The following NXPH2 variants were observed in gnomAD, a reference collection of about 807,000 sequenced individuals.
NXPH2 encodes neurexophilin-2.
A neutral mutation model predicts 19.8 loss-of-function variants in NXPH2; 5 were observed. The observed-to-expected ratio is 0.25, with a 90% confidence interval of 0.13 to 0.53. The LOEUF is 0.53. Ranked by LOEUF, NXPH2 falls within the 20% of genes least tolerant of loss-of-function variation. The pLI is 0.96. For synonymous variants in NXPH2, 154 were observed against 127.4 expected (o/e 1.21, Z -1.41); for missense variants, 289 against 322.8 (o/e 0.90, Z 0.80).
At chr2:138,755,004 G>A (rs1681885280) in intron 1 of NXPH2, among the ~76,000 whole-genome samples, 1 of 152,054 alleles carries the variant, frequency 6.6e-6, no homozygotes, top group African/African-American at 2.4e-5. Context: ...TGTGTTATCA[G>A]TACATCTTCT....
chr2:138,724,227 T>C (rs1262228734), intron 1 of NXPH2, among the ~76,000 whole-genome samples: 1 of 152,216 alleles, frequency 6.6e-6, no homozygotes, highest in Non-Finnish European at 1.5e-5. Flanking sequence ...TCCAGCTCCA[T>C]CCATGTCCAT....
At chr2:138,741,315 G>A (rs1197493537) in intron 1 of NXPH2, among the ~76,000 whole-genome samples, 1 of 152,186 alleles carries the variant, frequency 6.6e-6, no homozygotes, top group Non-Finnish European at 1.5e-5. Flanking sequence ...ACTGGCCCAA[G>A]AGACTCACAC....
chr2:138,712,250 A>C (rs1681117070), intron 1 of NXPH2, among the ~76,000 whole-genome samples: 1 of 151,946 alleles, frequency 6.6e-6, no homozygotes, highest in African/African-American at 2.4e-5. Flanking sequence ...TGAGTAAAAC[A>C]GTCTCTCCCC....
intron 1 of NXPH2, among the ~76,000 whole-genome samples, chr2:138,701,867 G>T (rs541729953): frequency 2.0e-5 from 3 of 152,116 alleles, no homozygotes; most frequent in African/African-American, 4.8e-5. Context: ...TAGGTGGGAA[G>T]ACTCTAGATA....
intron 1 of NXPH2, among the ~76,000 whole-genome samples, chr2:138,766,544 T>C (rs2104841867): frequency 6.6e-6 from 1 of 152,260 alleles, no homozygotes; most frequent in Admixed American, 6.5e-5. Context: ...AACGAGAAAC[T>C]ATTTGGCTCA....
rs1312849024 is a variant in NXPH2, at chr2:138,669,692, AC to A, written c.*1229del. Among the ~76,000 whole-genome samples the A allele has an allele frequency of 6.6e-6, 1 of 151,972 alleles. No individual in the cohort carries two copies. The highest frequency in any genetic ancestry group is 1.5e-5 in the Non-Finnish European group (1 of 67,956). ...AGAAGCCTTTTTCTTGGCCAACCAG[AC>A]CCCTGTTTCTGTTCTAATTTAATGA... On this transcript the variant is annotated 3_prime_UTR_variant, in exon 2 of 2. Coordinates refer to ENST00000272641, the MANE Select transcript of NXPH2 (RefSeq NM_007226.3).
In NXPH2 at chr2:138,716,670, C is replaced by T. The variant is rs184872277; in HGVS notation, c.52-45005G>A. ...TACCTATCCCTGTTATCCTGAGTAGCCCCTTATGATCGGTTCCACCCAATT... is the reference window on the plus strand; with the variant it reads ...TACCTATCCCTGTTATCCTGAGTAGTCCCTTATGATCGGTTCCACCCAATT... On this transcript the variant is annotated intron_variant, in intron 1 of 1. Coordinates refer to ENST00000272641, the MANE Select transcript of NXPH2 (RefSeq NM_007226.3). 1.6e-3 allele frequency among the ~76,000 whole-genome samples: 242 copies of T among 152,266 alleles called. 1 individual carries two copies. The highest frequency in any genetic ancestry group is 5.4e-3 in the African/African-American group (225 of 41,540).
chr2:138,709,630 C>T (rs1681067089), intron 1 of NXPH2, among the ~76,000 whole-genome samples: 3 of 152,118 alleles, frequency 2.0e-5, no homozygotes, highest in Admixed American at 1.3e-4. Flanking sequence ...ATTATAGGAG[C>T]ATACTAAATA....
chr2:138,715,408 A>G (rs1558920404), intron 1 of NXPH2, among the ~76,000 whole-genome samples: 1 of 152,226 alleles, frequency 6.6e-6, no homozygotes, highest in Non-Finnish European at 1.5e-5. Context: ...AATTTGTCAT[A>G]ATGTGTGTCC....
At chr2:138,741,279 C>T (rs1024804780) in intron 1 of NXPH2, among the ~76,000 whole-genome samples, 11 of 152,122 alleles carry the variant, frequency 7.2e-5, no homozygotes, top group South Asian at 2.1e-4. Flanking sequence ...TCTGGCCAAG[C>T]GACTGCTGGC....
intron 1 of NXPH2, among the ~76,000 whole-genome samples, chr2:138,765,400 A>C (rs1324336531): frequency 6.6e-6 from 1 of 152,220 alleles, no homozygotes; most frequent in East Asian, 1.9e-4. Flanking sequence ...TTTTAACACC[A>C]CCAGGGATTC....
chr2:138,752,574 A>G (rs568028784), intron 1 of NXPH2, among the ~76,000 whole-genome samples: 13 of 152,148 alleles, frequency 8.5e-5, no homozygotes, highest in Non-Finnish European at 1.9e-4. Flanking sequence ...TTATATTAGT[A>G]TTGTATATTT....
At chr2:138,765,058 T>C (rs544456829) in intron 1 of NXPH2, among the ~76,000 whole-genome samples, 216 of 152,330 alleles carry the variant, frequency 1.4e-3, no homozygotes, top group Non-Finnish European at 2.5e-3. Context: ...AGAATGGTAG[T>C]AGCATAATTA....
At chr2:138,758,523 C>T (rs868537181) in intron 1 of NXPH2, among the ~76,000 whole-genome samples, 1 of 152,202 alleles carries the variant, frequency 6.6e-6, no homozygotes, top group African/African-American at 2.4e-5. Context: ...GCTCCCAAGC[C>T]AGTGTTCCAC....
chr2:138,700,047 C>T (rs1488541467), intron 1 of NXPH2, among the ~76,000 whole-genome samples: 1 of 152,050 alleles, frequency 6.6e-6, no homozygotes, highest in African/African-American at 2.4e-5. Flanking sequence ...CCCAGTAAGC[C>T]ATGTAAGGCA....
chr2:138,762,714 A>C (rs2104839834), intron 1 of NXPH2, among the ~76,000 whole-genome samples: 1 of 152,306 alleles, frequency 6.6e-6, no homozygotes, highest in Non-Finnish European at 1.5e-5. Flanking sequence ...TGACAGCCTA[A>C]GATAGGATGC....
At chr2:138,747,640 C>T (rs1161941499) in intron 1 of NXPH2, among the ~76,000 whole-genome samples, 2 of 152,140 alleles carry the variant, frequency 1.3e-5, no homozygotes, top group African/African-American at 4.8e-5. Flanking sequence ...TAAGTCTCAC[C>T]ATGCATACGT....
At chr2:138,743,710 A>G (rs1681678951) in intron 1 of NXPH2, among the ~76,000 whole-genome samples, 1 of 152,190 alleles carries the variant, frequency 6.6e-6, no homozygotes, top group African/African-American at 2.4e-5. Flanking sequence ...TGTTATAAAA[A>G]TGATGGAAGT....
intron 1 of NXPH2, among the ~76,000 whole-genome samples, chr2:138,735,890 GC>G (rs1558925478): frequency 6.6e-6 from 1 of 152,220 alleles, no homozygotes; most frequent in Non-Finnish European, 1.5e-5. Flanking sequence ...GGGGCTACCA[GC>G]CCCATGCAAG....
Sources: allele counts gnomAD v4.1 joint callset (sites outside exome capture counted in the v4.1 genomes callset), GRCh38; gene constraint gnomAD v4.1.1; transcripts MANE v1.5; gene names NCBI Gene and HGNC (gene_info 2026-07-23, HGNC 2026-07-21).